Variants in LRRC8C observed in about 807,000 individuals in gnomAD.
LRRC8C encodes the protein volume-regulated anion channel subunit LRRC8C.
Under a neutral mutation model 55.3 loss-of-function variants are expected in LRRC8C, and 20 were observed. That is an observed-to-expected ratio of 0.36 (90% CI 0.25 to 0.53). The LOEUF is 0.53. Ranked by LOEUF, LRRC8C falls within the 20% of genes least tolerant of loss-of-function variation. The pLI is 0.92. For missense variants in LRRC8C, 659 were observed against 951.4 expected, an observed-to-expected ratio of 0.69 and a Z score of 4.04; for synonymous variants, 376 against 360.7, an observed-to-expected ratio of 1.04 and a Z score of -0.48.
chr1:89,693,637 C>CTT (rs1262219918), intron 2 of LRRC8C, among the ~76,000 whole-genome samples: 4 of 105,192 alleles, frequency 3.8e-5, no homozygotes, highest in Middle Eastern at 5.2e-3. Flanking sequence ...TTTCTTTTAT[C>CTT]TTTTCTTCCT....
intron 2 of LRRC8C, among the ~76,000 whole-genome samples, chr1:89,707,404 C>T (rs576977964): frequency 7.3e-5 from 11 of 150,080 alleles, no homozygotes; most frequent in Admixed American, 2.6e-4. Context: ...AAGACTCCAT[C>T]TAAAAAAAAC....
At chr1:89,639,114 T>C (rs1656384460) in intron 1 of LRRC8C, among the ~76,000 whole-genome samples, 2 of 151,552 alleles carry the variant, frequency 1.3e-5, no homozygotes, top group South Asian at 2.1e-4. Flanking sequence ...GCCTCTGGAG[T>C]AGCTGGGACT....
intron 2 of LRRC8C, among the ~76,000 whole-genome samples, chr1:89,703,960 A>G (rs1443721644): frequency 6.6e-6 from 1 of 152,156 alleles, no homozygotes; most frequent in East Asian, 1.9e-4. Context: ...AACCTAAAAA[A>G]ATTATAAGAG....
chr1:89,617,975 T>TC, the LRRC8C span, among the ~76,000 whole-genome samples: 1 of 152,310 alleles, frequency 6.6e-6, no homozygotes, highest in East Asian at 1.9e-4. Flanking sequence ...GGTATAACTA[T>TC]ATGTTCACCA....
At position 89,713,134 on chromosome 1, in the gene LRRC8C, C is replaced by T. The variant is rs34873365; in HGVS notation, c.564C>T (p.Asn188=). 3 of 1,613,830 alleles carry T rather than the reference C, an allele frequency of 1.9e-6. No individual in the cohort carries two copies. The highest frequency in any genetic ancestry group is 1.6e-4 in the Middle Eastern group (1 of 6,084). Reference sequence around the variant, plus strand: ...GGGAGGACTCAGAAGAAAAGGACAACAGGAAGAACAACATGAACAGGTCCA... The same window carrying T: ...GGGAGGACTCAGAAGAAAAGGACAATAGGAAGAACAACATGAACAGGTCCA... The part of the protein sequence containing the change: ...VSGEDSEEKD[N]RKNNMNRSNT... The change falls in exon 3 of 3, where the codon AAC becomes AAT. Residue 188 remains asparagine (N), a synonymous_variant. Transcript: ENST00000370454. The surrounding 1 kb of genome is among the most constrained non-coding windows in gnomAD (Gnocchi z 5.2).
At chr1:89,671,869 T>G (rs957604305) in intron 1 of LRRC8C, among the ~76,000 whole-genome samples, 1 of 152,122 alleles carries the variant, frequency 6.6e-6, no homozygotes, top group African/African-American at 2.4e-5. Context: ...ATGGGTAGAT[T>G]TTCACACATA....
At chr1:89,648,902 A>T (rs763806476) in intron 1 of LRRC8C, among the ~76,000 whole-genome samples, 36 of 152,190 alleles carry the variant, frequency 2.4e-4, no homozygotes, top group Admixed American at 6.5e-5. Context: ...ATGTTGTGGC[A>T]TATATCAATG....
intron 1 of LRRC8C, among the ~76,000 whole-genome samples, chr1:89,673,321 A>G (rs905589689): frequency 6.6e-6 from 1 of 152,160 alleles, no homozygotes; most frequent in African/African-American, 2.4e-5. Context: ...TCAGCTTTAG[A>G]TGTCACCTTG....
intron 2 of LRRC8C, among the ~76,000 whole-genome samples, chr1:89,689,651 G>A (rs1657975578): frequency 6.6e-6 from 1 of 152,044 alleles, no homozygotes; most frequent in Admixed American, 6.6e-5. Flanking sequence ...AAGAGAAAAA[G>A]AGAAATCGGC....
chr1:89,620,604 G>A, the LRRC8C span, among the ~76,000 whole-genome samples: 8 of 149,172 alleles, frequency 5.4e-5, no homozygotes, highest in African/African-American at 1.2e-4. Context: ...AAAAATAGGC[G>A]ATTTCCTACT....
intron 1 of LRRC8C, among the ~76,000 whole-genome samples, chr1:89,639,046 C>T (rs1008970796): frequency 1.4e-5 from 2 of 139,070 alleles, no homozygotes; most frequent in Non-Finnish European, 1.6e-5. Flanking sequence ...AGTGCAGTGA[C>T]GCGATCTTGG....
At chr1:89,702,357 C>T (rs1377778544) in intron 2 of LRRC8C, among the ~76,000 whole-genome samples, 1 of 151,430 alleles carries the variant, frequency 6.6e-6, no homozygotes. Flanking sequence ...CAGATTCATG[C>T]AAGATGAAAT....
intron 1 of LRRC8C, among the ~76,000 whole-genome samples, chr1:89,667,969 A>G (rs1557654932): frequency 6.6e-6 from 1 of 152,200 alleles, no homozygotes; most frequent in Non-Finnish European, 1.5e-5. Flanking sequence ...GTCTTAGAAA[A>G]ATGAATGTTC....
Position 89,713,362 on chromosome 1 carries a change from C to G in LRRC8C, c.792C>G (p.Arg264=). Reference sequence around the variant, plus strand: ...ATATTCTATATGCCATGTATGTTCGCCAGACTGTACTTAAAGTTATCAAAT... The same window carrying G: ...ATATTCTATATGCCATGTATGTTCGGCAGACTGTACTTAAAGTTATCAAAT... ...EGDILYAMYV[R]QTVLKVIKFL... is the part of the protein sequence containing the mutation. The change falls in exon 3 of 3, where the codon CGC becomes CGG. Residue 264 remains arginine, a synonymous_variant. Coordinates refer to ENST00000370454, the MANE Select transcript of LRRC8C (RefSeq NM_032270.5). This position sits in a 1 kb window ranked among gnomAD's most constrained non-coding sequence, Gnocchi z 5.2. 6.2e-7 allele frequency: 1 copy of G among 1,614,204 alleles called. No individual in the cohort carries two copies. Among genetic ancestry groups the G allele is most frequent in the Non-Finnish European group, 8.5e-7 (1 of 1,180,048 alleles).
chr1:89,704,499 T>C (rs1241867598), intron 2 of LRRC8C, among the ~76,000 whole-genome samples: 2 of 152,064 alleles, frequency 1.3e-5, no homozygotes, highest in Non-Finnish European at 2.9e-5. Flanking sequence ...ACAATACATA[T>C]AGTAAGATCT....
intron 2 of LRRC8C, among the ~76,000 whole-genome samples, chr1:89,711,658 G>A (rs914201729): frequency 2.1e-4 from 32 of 152,154 alleles, no homozygotes; most frequent in Non-Finnish European, 4.4e-5. Context: ...TTCAAAAAGG[G>A]TGCATTCATT....
chr1:89,702,375 T>G (rs1279576225), intron 2 of LRRC8C, among the ~76,000 whole-genome samples: 3 of 152,128 alleles, frequency 2.0e-5, no homozygotes, highest in Non-Finnish European at 4.4e-5. Context: ...AATTAAGTTT[T>G]AACCAGATGA....
intron 1 of LRRC8C, among the ~76,000 whole-genome samples, chr1:89,637,364 T>A (rs891569705): frequency 1.3e-5 from 2 of 151,328 alleles, no homozygotes; most frequent in Non-Finnish European, 2.9e-5. Context: ...TCAGACTGCT[T>A]TCGTTGAAAA....
At chr1:89,703,002 T>G (rs556692689) in intron 2 of LRRC8C, among the ~76,000 whole-genome samples, 464 of 152,284 alleles carry the variant, frequency 3.0e-3, no homozygotes, top group Non-Finnish European at 4.5e-3. Context: ...GACACTGACA[T>G]ACATCTCAGA....
Sources: gnomAD v4.1 joint callset for allele counts (sites outside exome capture counted in the v4.1 genomes callset) on GRCh38, gnomAD v4.1.1 for gene constraint, Gnocchi (gnomAD v3.1) non-coding constraint, MANE v1.5 for transcripts, NCBI Gene and HGNC (gene_info 2026-07-23, HGNC 2026-07-21) for gene names.